CHST8: variants seen among roughly 807,000 people sequenced by gnomAD.
The protein encoded by CHST8 is carbohydrate sulfotransferase 8.
Under a neutral mutation model 15.0 loss-of-function variants are expected in CHST8, and 10 were observed. The ratio of observed to expected loss-of-function variants is 0.67; its 90% confidence interval spans 0.41 to 1.13. The LOEUF (loss-of-function observed/expected upper bound fraction) is 1.13, where lower values mean the gene tolerates loss of function less well. CHST8 is among the 50% of genes most tolerant of loss of function. CHST8 has a pLI of 0.00. For missense variants in CHST8, 634 were observed against 608.2 expected, an observed-to-expected ratio of 1.04 and a Z score of -0.45; for synonymous variants, 259 against 256.6, an observed-to-expected ratio of 1.01 and a Z score of -0.09.
At chr19:33,671,574 C>G (rs11084742) in intron 2 of CHST8, among the ~76,000 whole-genome samples, 3,974 of 152,230 alleles carry the variant, frequency 0.026, 158 homozygotes, top group African/African-American at 0.09. Context: ...TCCAGACACA[C>G]TGGGTGTCAA....
intron 2 of CHST8, among the ~76,000 whole-genome samples, chr19:33,679,368 G>A (rs944975695): frequency 1.3e-5 from 2 of 152,190 alleles, no homozygotes; most frequent in African/African-American, 4.8e-5. Context: ...AGCAGCTCAG[G>A]TGGGGAGAGA....
At chr19:33,708,245 C>A (rs928849415) in intron 3 of CHST8, among the ~76,000 whole-genome samples, 1 of 152,266 alleles carries the variant, frequency 6.6e-6, no homozygotes, top group South Asian at 2.1e-4. Flanking sequence ...TGAAAAAGTG[C>A]AATTCAACAT....
chr19:33,762,728 G>C (rs1974760809), intron 3 of CHST8, among the ~76,000 whole-genome samples: 1 of 151,746 alleles, frequency 6.6e-6, no homozygotes, highest in Non-Finnish European at 1.5e-5. Flanking sequence ...GCACATTTGT[G>C]GATTTGCAAG....
chr19:33,773,110 G>A lies in CHST8; in HGVS notation c.*47G>A. On this transcript the variant is annotated 3_prime_UTR_variant, in exon 5 of 5. Coordinates refer to ENST00000650847, the MANE Select transcript of CHST8 (RefSeq NM_001127895.2). ...GCCGCCCTGCCCCGGTCACTCACCT[G>A]TGCTCCCGGGCATCCTCCTGTCCCT... 1 of 1,528,518 alleles carries A rather than the reference G, an allele frequency of 6.5e-7. No individual in the cohort carries two copies. The highest frequency in any genetic ancestry group is 8.8e-7 in the Non-Finnish European group (1 of 1,142,028). 94.7% of individuals were successfully genotyped at this position (1,528,518 alleles called of 1,614,324 possible). A position where few individuals can be genotyped will look rare whatever the true frequency, so the allele number is the denominator to read the frequency against.
In CHST8 at chr19:33,729,297, G is replaced by A. The variant is rs190252864; in HGVS notation, c.130+39906G>A. Among the ~76,000 whole-genome samples, 29 of 152,354 alleles carry A rather than the reference G, an allele frequency of 1.9e-4. No individual in the cohort carries two copies. In the East Asian group the frequency reaches 4.4e-3, roughly 23 times the overall value. On this transcript the variant is annotated intron_variant, in intron 3 of 4. Transcript: ENST00000650847. ...AGTGGCTGCTGGCAGGATTGAGTCC[G>A]TCTCAGGCTGTTGGCCAGAGAACTC... is the stretch of plus-strand genomic sequence containing the variant.
chr19:33,769,607 G>C (rs539380714), intron 3 of CHST8, among the ~76,000 whole-genome samples: 158 of 152,220 alleles, frequency 1.0e-3, no homozygotes, highest in African/African-American at 3.1e-3. Context: ...GGAAGAGGAG[G>C]GGGTGGCTGT....
At chr19:33,661,414 C>T (rs1296227958) in intron 1 of CHST8, among the ~76,000 whole-genome samples, 1 of 152,246 alleles carries the variant, frequency 6.6e-6, no homozygotes, top group Non-Finnish European at 1.5e-5. Flanking sequence ...GTGGGATTTT[C>T]ACCCGAGTCC....
At chr19:33,771,281 A>C in intron 3 of CHST8, 132 bp from the exon 4 acceptor site, 1 of 859,550 alleles carries the variant, frequency 1.2e-6, no homozygotes, top group Non-Finnish European at 2.0e-6. Flanking sequence ...CCATGCCCTA[A>C]GCTGCCTTTC....
chr19:33,697,479 G>A (rs1183764251), intron 3 of CHST8, among the ~76,000 whole-genome samples: 1 of 152,168 alleles, frequency 6.6e-6, no homozygotes, highest in Non-Finnish European at 1.5e-5. Context: ...TGATCCACCT[G>A]CCTCGTGCTC....
At chr19:33,725,199 G>A (rs969179851) in intron 3 of CHST8, among the ~76,000 whole-genome samples, 18 of 152,124 alleles carry the variant, frequency 1.2e-4, no homozygotes, top group Admixed American at 5.9e-4. Flanking sequence ...ATGTCTGCGC[G>A]TCACAAACCC....
intron 1 of CHST8, among the ~76,000 whole-genome samples, chr19:33,626,724 G>A (rs1568306675): frequency 6.6e-6 from 1 of 151,736 alleles, no homozygotes; most frequent in Non-Finnish European, 1.5e-5. Context: ...GCAAATGCAG[G>A]TGCCATGCTT....
At chr19:33,667,360 C>T (rs1972677668) in intron 1 of CHST8, among the ~76,000 whole-genome samples, 1 of 152,300 alleles carries the variant, frequency 6.6e-6, no homozygotes, top group Middle Eastern at 3.4e-3. Context: ...TTCACACCCT[C>T]GCGCAGCCCG....
At chr19:33,677,930 T>G (rs1243559270) in intron 2 of CHST8, among the ~76,000 whole-genome samples, 3 of 152,016 alleles carry the variant, frequency 2.0e-5, no homozygotes, top group Non-Finnish European at 4.4e-5. Context: ...ACTGGGCACC[T>G]GGGGGGCTTG....
At chr19:33,745,773 T>A (rs890900919) in intron 3 of CHST8, among the ~76,000 whole-genome samples, 2 of 112,952 alleles carry the variant, frequency 1.8e-5, no homozygotes, top group East Asian at 4.5e-4. Flanking sequence ...ACACATCAAC[T>A]AGTGTCTGGA....
Position 33,696,382 on chromosome 19 carries a change from A to G in CHST8, c.130+6991A>G, listed in dbSNP as rs187309982. ...GTAAGAGGTGAGTGGTGCGCGAGCT[A>G]TCAAAGCTGAGCTCGGCCTACTGTC... On this transcript the variant is annotated intron_variant, in intron 3 of 4. Transcript: ENST00000650847. 6.0e-4 allele frequency among the ~76,000 whole-genome samples: 91 copies of G among 152,076 alleles called. 1 individual carries two copies. Among genetic ancestry groups the G allele is most frequent in the African/African-American group, 2.0e-3 (85 of 41,498 alleles).
At chr19:33,706,826 C>A (rs1046277345) in intron 3 of CHST8, among the ~76,000 whole-genome samples, 2 of 152,188 alleles carry the variant, frequency 1.3e-5, no homozygotes, top group Admixed American at 6.5e-5. Context: ...GTACAACACA[C>A]AGAGCTTGCA....
chr19:33,680,791 T>C (rs906838360), intron 2 of CHST8, among the ~76,000 whole-genome samples: 4 of 152,242 alleles, frequency 2.6e-5, no homozygotes, highest in Non-Finnish European at 5.9e-5. Context: ...TCCATGGAAA[T>C]GACTATCTCT....
chr19:33,661,028 C>T (rs549269550), intron 1 of CHST8, among the ~76,000 whole-genome samples: 17 of 152,190 alleles, frequency 1.1e-4, no homozygotes, highest in Non-Finnish European at 2.4e-4. Flanking sequence ...TGGAGGGAGA[C>T]TTCTTATGCC....
chr19:33,735,448 A>G (rs1443747428), intron 3 of CHST8, among the ~76,000 whole-genome samples: 1 of 152,210 alleles, frequency 6.6e-6, no homozygotes, highest in Non-Finnish European at 1.5e-5. Context: ...TGCCCACTGC[A>G]AGGGCAGTCA....
Sources: gnomAD v4.1 joint callset for allele counts (sites outside exome capture counted in the v4.1 genomes callset) on GRCh38, gnomAD v4.1.1 for gene constraint, MANE v1.5 for transcripts, NCBI Gene and HGNC (gene_info 2026-07-23, HGNC 2026-07-21) for gene names.